Variants in NKAIN2 observed in about 807,000 individuals in gnomAD.
The protein encoded by NKAIN2 is sodium/potassium-transporting ATPase subunit beta-1-interacting protein 2.
Under a neutral mutation model 32.6 loss-of-function variants are expected in NKAIN2, and 14 were observed. That is an observed-to-expected ratio of 0.43 (90% CI 0.28 to 0.67). NKAIN2 has a LOEUF of 0.67. Among genes scored for constraint, NKAIN2 ranks in the 30% least tolerant of loss-of-function variants. The probability of loss-of-function intolerance (pLI) is 0.17; values close to 1 mark genes in which losing one functional copy is unlikely to be tolerated. For synonymous variants in NKAIN2, 80 were observed against 87.2 expected (o/e 0.92, Z 0.46); for missense variants, 198 against 258.3 (o/e 0.77, Z 1.60).
chr6:124,322,232 A>T (rs1375661214), intron 2 of NKAIN2, among the ~76,000 whole-genome samples: 1 of 152,218 alleles, frequency 6.6e-6, no homozygotes, highest in Admixed American at 6.5e-5. Context: ...TGATGATTTA[A>T]AAAATAACTC....
At chr6:124,130,415 C>T (rs1013106447) in intron 1 of NKAIN2, among the ~76,000 whole-genome samples, 2 of 152,066 alleles carry the variant, frequency 1.3e-5, no homozygotes, top group Admixed American at 1.3e-4. Context: ...ACAACATCTG[C>T]CCCTAATTAA....
At position 124,623,800 on chromosome 6, in the gene NKAIN2, A is replaced by G. The variant is rs149207197; in HGVS notation, c.274-34386A>G. Among the ~76,000 whole-genome samples, 571 of 152,240 alleles carry G rather than the reference A, an allele frequency of 3.8e-3. 3 individuals are homozygous for G. Among genetic ancestry groups the G allele is most frequent in the African/African-American group, 0.013 (558 of 41,538 alleles). On this transcript the variant is annotated intron_variant, in intron 3 of 6. Transcript: ENST00000368417. ...CATGGGTACTGTTTCACGCCCAGACATGCTTCCTGATGTAGAAGGAGAGAT... is the reference window on the plus strand; with the variant it reads ...CATGGGTACTGTTTCACGCCCAGACGTGCTTCCTGATGTAGAAGGAGAGAT...
intron 1 of NKAIN2, among the ~76,000 whole-genome samples, chr6:124,238,038 G>T (rs2114760501): frequency 6.6e-6 from 1 of 152,210 alleles, no homozygotes; most frequent in Admixed American, 6.5e-5. Flanking sequence ...CATTTTCAAA[G>T]AAGTGAGAGT....
chr6:124,154,902 A>C (rs988414374), intron 1 of NKAIN2, among the ~76,000 whole-genome samples: 1 of 152,126 alleles, frequency 6.6e-6, no homozygotes, highest in African/African-American at 2.4e-5. Flanking sequence ...ACATAAAAGT[A>C]TTAATTGAGA....
chr6:124,152,826 T>C (rs898219558), intron 1 of NKAIN2, among the ~76,000 whole-genome samples: 2 of 151,906 alleles, frequency 1.3e-5, no homozygotes, highest in Admixed American at 1.3e-4. Flanking sequence ...TGTTTGGCCA[T>C]TCAGAAATGA....
intron 1 of NKAIN2, among the ~76,000 whole-genome samples, chr6:123,879,620 G>A (rs9388287): frequency 0.56 from 85,611 of 151,970 alleles, 24,389 homozygotes; most frequent in East Asian, 0.69. Flanking sequence ...AAGCACCTCA[G>A]TGTTCTAGCT....
At chr6:123,966,469 A>G (rs903081831) in intron 1 of NKAIN2, among the ~76,000 whole-genome samples, 28 of 152,134 alleles carry the variant, frequency 1.8e-4, no homozygotes, top group Admixed American at 1.3e-4. Context: ...TTTTTGCTAT[A>G]TATATGTATT....
intron 3 of NKAIN2, among the ~76,000 whole-genome samples, chr6:124,443,250 G>C (rs1473053996): frequency 6.6e-6 from 1 of 151,950 alleles, no homozygotes; most frequent in East Asian, 1.9e-4. Flanking sequence ...TGCTACTTTT[G>C]CTCTTCTGTT....
chr6:123,936,213 T>C (rs1421841769), intron 1 of NKAIN2, among the ~76,000 whole-genome samples: 2 of 152,124 alleles, frequency 1.3e-5, no homozygotes, highest in Admixed American at 6.6e-5. Context: ...ATCGCACACA[T>C]TGGAAAACAA....
rs144455509 is a variant in NKAIN2, at chr6:124,082,652, T to G, written c.55-200353T>G. On this transcript the variant is annotated intron_variant, in intron 1 of 6. Transcript: ENST00000368417. ...ATGGCCAATATAAAAAAAAAAGATC[T>G]TTAATAGAGTTCTGAGTTTAAAGGA... Among the ~76,000 whole-genome samples the G allele has an allele frequency of 4.8e-3, 735 of 152,152 alleles. 4 individuals carry two copies. Among genetic ancestry groups the G allele is most frequent in the African/African-American group, 0.017 (699 of 41,550 alleles).
At chr6:124,501,446 G>GA (rs936581930) in intron 3 of NKAIN2, among the ~76,000 whole-genome samples, 26 of 151,832 alleles carry the variant, frequency 1.7e-4, no homozygotes, top group African/African-American at 5.3e-4. Context: ...GGGAAAGAAA[G>GA]AAAAAAAACA....
chr6:124,125,282 C>T (rs751160871), intron 1 of NKAIN2, among the ~76,000 whole-genome samples: 9 of 152,106 alleles, frequency 5.9e-5, no homozygotes, highest in Non-Finnish European at 8.8e-5. Context: ...TACATGCACA[C>T]GAGTGCACAC....
At chr6:124,435,481 C>A (rs542721195) in intron 3 of NKAIN2, among the ~76,000 whole-genome samples, 2 of 152,094 alleles carry the variant, frequency 1.3e-5, no homozygotes, top group African/African-American at 2.4e-5. Flanking sequence ...TTAAATCTTT[C>A]GATTCTCACA....
chr6:124,444,774 G>A (rs1775823154), intron 3 of NKAIN2, among the ~76,000 whole-genome samples: 1 of 151,762 alleles, frequency 6.6e-6, no homozygotes, highest in Non-Finnish European at 1.5e-5. Flanking sequence ...TTACAAAAAA[G>A]AAGTAATTTC....
At chr6:124,007,518 C>G (rs1562304991) in intron 1 of NKAIN2, among the ~76,000 whole-genome samples, 1 of 152,184 alleles carries the variant, frequency 6.6e-6, no homozygotes, top group African/African-American at 2.4e-5. Flanking sequence ...GCTAAACTTT[C>G]TGCTCACAGG....
chr6:124,528,182 G>A (rs1042383920), intron 3 of NKAIN2, among the ~76,000 whole-genome samples: 5 of 152,150 alleles, frequency 3.3e-5, no homozygotes, highest in African/African-American at 7.2e-5. Flanking sequence ...GATGCTGGTC[G>A]CAAACTAAGG....
chr6:124,162,056 C>A (rs565798088), intron 1 of NKAIN2, among the ~76,000 whole-genome samples: 2 of 152,212 alleles, frequency 1.3e-5, no homozygotes, highest in South Asian at 2.1e-4. Context: ...TAAATTATTT[C>A]TAAGTTTTCT....
intron 3 of NKAIN2, among the ~76,000 whole-genome samples, chr6:124,637,625 C>T (rs1274393552): frequency 6.6e-6 from 1 of 151,610 alleles, no homozygotes; most frequent in Non-Finnish European, 1.5e-5. Flanking sequence ...ACAACAAGAA[C>T]AAAGTAGGTA....
intron 1 of NKAIN2, among the ~76,000 whole-genome samples, chr6:124,092,669 A>T (rs1784485536): frequency 6.6e-6 from 1 of 151,988 alleles, no homozygotes. Flanking sequence ...TGATGGGGTA[A>T]GATGATATCT....
Sources: allele counts gnomAD v4.1 joint callset (sites outside exome capture counted in the v4.1 genomes callset), GRCh38; gene constraint gnomAD v4.1.1; transcripts MANE v1.5; gene names NCBI Gene and HGNC (gene_info 2026-07-23, HGNC 2026-07-21).